The following AGBL4 variants were observed in gnomAD, a reference collection of about 807,000 sequenced individuals.
AGBL4 encodes the protein cytosolic carboxypeptidase 6.
A neutral mutation model predicts 66.4 loss-of-function variants in AGBL4; 58 were observed. The observed-to-expected ratio is 0.87, with a 90% CI of 0.71 to 1.09. The LOEUF (loss-of-function observed/expected upper bound fraction) is 1.09, where lower values mean the gene tolerates loss of function less well. Among genes scored for constraint, AGBL4 ranks in the 50% least tolerant of loss-of-function variants. The pLI is 0.00. For synonymous variants in AGBL4, 234 were observed against 222.9 expected, an observed-to-expected ratio of 1.05 and a Z score of -0.44; for missense variants, 579 against 631.0, an observed-to-expected ratio of 0.92 and a Z score of 0.88.
At chr1:49,279,175 T>G (rs529264495) in intron 3 of AGBL4, among the ~76,000 whole-genome samples, 1 of 152,318 alleles carries the variant, frequency 6.6e-6, no homozygotes, top group Non-Finnish European at 1.5e-5. Flanking sequence ...ATAATCACGT[T>G]TTTCTCAGAG....
intron 1 of AGBL4, among the ~76,000 whole-genome samples, chr1:49,856,234 T>A (rs1646430124): frequency 6.6e-6 from 1 of 152,068 alleles, no homozygotes; most frequent in Non-Finnish European, 1.5e-5. Context: ...GTAGTAAGAT[T>A]GAATGAGTAA....
chr1:48,792,208 C>G (rs1645568732), intron 6 of AGBL4, among the ~76,000 whole-genome samples: 1 of 152,068 alleles, frequency 6.6e-6, no homozygotes, highest in Admixed American at 6.5e-5. Context: ...TGAAGTAATG[C>G]AGCTGCAAGC....
chr1:49,564,655 C>T (rs989317439), intron 3 of AGBL4, among the ~76,000 whole-genome samples: 1 of 152,162 alleles, frequency 6.6e-6, no homozygotes, highest in Non-Finnish European at 1.5e-5. Flanking sequence ...AGTTTGATTG[C>T]ACTGTGGTCT....
intron 5 of AGBL4, among the ~76,000 whole-genome samples, chr1:49,012,811 A>G (rs1199823221): frequency 2.0e-5 from 3 of 152,232 alleles, no homozygotes; most frequent in Non-Finnish European, 4.4e-5. Flanking sequence ...TCTAAAACTC[A>G]TGTTGAAAGT....
At chr1:49,442,111 A>G (rs1187355670) in intron 3 of AGBL4, among the ~76,000 whole-genome samples, 2 of 152,114 alleles carry the variant, frequency 1.3e-5, no homozygotes, top group Admixed American at 6.5e-5. Context: ...ATTTAAGTTT[A>G]AAATTAGTGT....
intron 1 of AGBL4, among the ~76,000 whole-genome samples, chr1:50,005,679 C>A (rs766126959): frequency 1.1e-4 from 17 of 152,154 alleles, no homozygotes; most frequent in South Asian, 4.1e-4. Context: ...GTGACCAATT[C>A]TGGAGTCACA....
chr1:49,691,251 G>A (rs1646880585), intron 3 of AGBL4: 2 of 152,326 alleles, frequency 1.3e-5, no homozygotes, highest in Admixed American at 1.3e-4. Context: ...GGTCTGGGCA[G>A]ATGTCCAGTC....
At chr1:49,844,769 T>C (rs768306645) in intron 2 of AGBL4, 1 of 1,586,862 alleles carries the variant, frequency 6.3e-7, no homozygotes, top group Non-Finnish European at 8.7e-7. Context: ...AATGTCATCT[T>C]GGTAGAAAGA....
intron 1 of AGBL4, among the ~76,000 whole-genome samples, chr1:49,933,461 T>G (rs1430453566): frequency 6.6e-6 from 1 of 152,014 alleles, no homozygotes; most frequent in Non-Finnish European, 1.5e-5. Context: ...CATATGAAAG[T>G]AAAAAACTCA....
chr1:48,575,127 C>T (rs1028811094), intron 11 of AGBL4, among the ~76,000 whole-genome samples: 3 of 152,048 alleles, frequency 2.0e-5, no homozygotes, highest in Non-Finnish European at 4.4e-5. Flanking sequence ...GTGATTTGCT[C>T]GAGATCACAG....
chr1:49,222,380 C>T (rs1193378766), intron 4 of AGBL4, among the ~76,000 whole-genome samples: 2 of 151,564 alleles, frequency 1.3e-5, no homozygotes, highest in Non-Finnish European at 2.9e-5. Context: ...AGAAGATATT[C>T]TTAGGTCATG....
At chr1:49,059,787 C>T (rs1460439164) in intron 4 of AGBL4, among the ~76,000 whole-genome samples, 2 of 152,212 alleles carry the variant, frequency 1.3e-5, no homozygotes, top group Non-Finnish European at 2.9e-5. Context: ...CATTTTGGAA[C>T]TTTAACATTC....
intron 3 of AGBL4, among the ~76,000 whole-genome samples, chr1:49,694,266 T>C (rs1414474944): frequency 6.6e-6 from 1 of 152,144 alleles, no homozygotes; most frequent in Non-Finnish European, 1.5e-5. Flanking sequence ...AAAGAGATGC[T>C]ATAAAAACAG....
chr1:48,543,436 G>A (rs879559732), intron 11 of AGBL4, among the ~76,000 whole-genome samples: 10 of 150,970 alleles, frequency 6.6e-5, no homozygotes, highest in African/African-American at 1.7e-4. Context: ...CCATCTACCC[G>A]TCCATCCATC....
chr1:48,534,210 C>A lies in AGBL4; in HGVS notation c.1475G>T (p.Ser492Ile). The stretch of plus-strand genomic sequence containing the variant: ...TGAAGGGTCTTTGTGGTTCACTGAG[C>A]TCTTCTTGTCCCCTTTGCTGTTGGG... ...NYPNSKGDKK[S>I]SVNHKDPSTP... Residue 492 changes from serine to isoleucine, a missense_variant, in exon 14 of 14, where the codon AGC (serine) becomes ATC (isoleucine). Ser to Ile is a moderately radical substitution (Grantham distance 142). Coordinates refer to ENST00000371839, the MANE Select transcript of AGBL4 (RefSeq NM_032785.4). 4.5e-6 allele frequency: 7 copies of A among 1,551,672 alleles called. No homozygotes were observed. The highest frequency in any genetic ancestry group is 6.1e-6 in the Non-Finnish European group (7 of 1,146,938).
At chr1:48,545,251 T>C (rs1644139740) in intron 11 of AGBL4, among the ~76,000 whole-genome samples, 1 of 152,196 alleles carries the variant, frequency 6.6e-6, no homozygotes, top group Admixed American at 6.5e-5. Context: ...CTGTAAGGTG[T>C]TGATCATTTT....
intron 11 of AGBL4, among the ~76,000 whole-genome samples, chr1:48,580,846 C>T (rs1298155392): frequency 1.3e-5 from 2 of 152,190 alleles, no homozygotes; most frequent in African/African-American, 4.8e-5. Context: ...GCTTCTGGCC[C>T]AGCCCCAGCT....
chr1:49,881,446 C>G (rs1441872156), intron 1 of AGBL4, among the ~76,000 whole-genome samples: 2 of 151,700 alleles, frequency 1.3e-5, no homozygotes, highest in Admixed American at 1.3e-4. Context: ...GTTCTCGATC[C>G]CTGAGGAATC....
intron 2 of AGBL4, among the ~76,000 whole-genome samples, chr1:49,789,798 AT>A (rs2147925166): frequency 1.3e-5 from 2 of 152,290 alleles, no homozygotes; most frequent in South Asian, 4.2e-4. Context: ...TCAGGCTACC[AT>A]TGACTTTCTT....
Sources: allele counts gnomAD v4.1 joint callset (sites outside exome capture counted in the v4.1 genomes callset), GRCh38; gene constraint gnomAD v4.1.1; transcripts MANE v1.5; gene names NCBI Gene and HGNC (gene_info 2026-07-23, HGNC 2026-07-21).